EIF4G3: variants seen among roughly 807,000 people sequenced by gnomAD.
EIF4G3 encodes eIF-4-gamma 3.
Under a neutral mutation model 186.4 loss-of-function variants are expected in EIF4G3, and 34 were observed. The ratio of observed to expected loss-of-function variants is 0.18; its 90% CI spans 0.14 to 0.24. The LOEUF (loss-of-function observed/expected upper bound fraction) is 0.24, where lower values mean the gene tolerates loss of function less well. Among genes scored for constraint, EIF4G3 ranks in the 10% least tolerant of loss-of-function variants. The probability of loss-of-function intolerance (pLI) is 1.00; values close to 1 mark genes in which losing one functional copy is unlikely to be tolerated. For missense variants in EIF4G3, 1,536 were observed against 1,948.5 expected (o/e 0.79, Z 3.99); for synonymous variants, 673 against 679.5 (o/e 0.99, Z 0.15).
intron 34 of EIF4G3, among the ~76,000 whole-genome samples, chr1:20,815,945 T>C (rs1352391640): frequency 4.8e-4 from 27 of 56,016 alleles, no homozygotes; most frequent in East Asian, 1.3e-3. Flanking sequence ...GCCCCCCGCC[T>C]GGCCAGCCGC....
intron 6 of EIF4G3, among the ~76,000 whole-genome samples, chr1:21,000,128 T>C (rs1215547435): frequency 6.9e-6 from 1 of 145,754 alleles, no homozygotes; most frequent in Non-Finnish European, 1.5e-5. Context: ...GACAGGCTAT[T>C]AAAAAAAAAA....
At chr1:21,137,278 G>C (rs1434874870) in intron 2 of EIF4G3, among the ~76,000 whole-genome samples, 3 of 151,596 alleles carry the variant, frequency 2.0e-5, no homozygotes, top group African/African-American at 7.3e-5. Context: ...TGACTACCTG[G>C]GGCTACAGGT....
chr1:21,107,591 G>T (rs1016942872), intron 2 of EIF4G3, among the ~76,000 whole-genome samples: 1 of 152,312 alleles, frequency 6.6e-6, no homozygotes, highest in East Asian at 1.9e-4. Context: ...AATCTTAATA[G>T]GTCTGTCCAA....
At chr1:20,897,750 CTG>C (rs1343971999) in intron 16 of EIF4G3, among the ~76,000 whole-genome samples, 2 of 151,940 alleles carry the variant, frequency 1.3e-5, no homozygotes, top group Non-Finnish European at 2.9e-5. Flanking sequence ...AAATTTCAAA[CTG>C]TTTTTTTTCC....
chr1:21,070,562 A>C (rs1169506930), intron 3 of EIF4G3, among the ~76,000 whole-genome samples: 1 of 152,222 alleles, frequency 6.6e-6, no homozygotes, highest in Admixed American at 6.5e-5. Context: ...CATGGTGTAG[A>C]TATAACTACA....
intron 14 of EIF4G3, among the ~76,000 whole-genome samples, chr1:20,933,849 A>G (rs2095425253): frequency 6.6e-6 from 1 of 152,184 alleles, no homozygotes; most frequent in Non-Finnish European, 1.5e-5. Context: ...ACTGAATTTG[A>G]GATGACTCTG....
chr1:21,167,761 G>GA (rs35122671), intron 2 of EIF4G3, among the ~76,000 whole-genome samples: 4,153 of 147,254 alleles, frequency 0.028, 83 homozygotes, highest in Non-Finnish European at 0.039. Context: ...CCGTCACAAA[G>GA]AAAAAAAAAA....
intron 12 of EIF4G3, among the ~76,000 whole-genome samples, chr1:20,960,365 C>G (rs968461841): frequency 4.6e-5 from 7 of 151,942 alleles, no homozygotes; most frequent in Non-Finnish European, 1.0e-4. Flanking sequence ...ACTCAGGAGG[C>G]TGAGACAGAA....
intron 2 of EIF4G3, among the ~76,000 whole-genome samples, chr1:21,169,302 T>C (rs1294272783): frequency 6.6e-6 from 1 of 151,896 alleles, no homozygotes; most frequent in African/African-American, 2.4e-5. Context: ...AATACAAAAA[T>C]TAGCTGCGTA....
intron 11 of EIF4G3, among the ~76,000 whole-genome samples, chr1:20,970,178 TA>T (rs2075550029): frequency 6.6e-6 from 1 of 151,998 alleles, no homozygotes; most frequent in Admixed American, 6.6e-5. Context: ...TTTACCAAAA[TA>T]AAAAATATAA....
At chr1:21,056,024 A>G (rs1247769376) in intron 3 of EIF4G3, among the ~76,000 whole-genome samples, 2 of 152,162 alleles carry the variant, frequency 1.3e-5, no homozygotes, top group African/African-American at 2.4e-5. Flanking sequence ...AATGTTTGAG[A>G]GAAAGAGAAA....
chr1:20,827,021 T>C (rs1204582872), intron 32 of EIF4G3, among the ~76,000 whole-genome samples: 1 of 152,114 alleles, frequency 6.6e-6, no homozygotes, highest in African/African-American at 2.4e-5. Context: ...AACACTGACT[T>C]TAAACATTAA....
rs1455086070 is a variant in EIF4G3 at position 20,815,514 on chromosome 1, C to T, written c.4515+1878G>A. 8.6e-5 allele frequency among the ~76,000 whole-genome samples: 13 copies of T among 151,978 alleles called. No individual in the cohort carries two copies. In the East Asian group the frequency reaches 1.6e-3, roughly 18 times the overall value. Reference sequence around the variant, plus strand: ...GAGGAGCGTCTCTGCCCGGCCGCCCCGTCTGAGAAGTGAGGAAACCCTCTG... The same window carrying T: ...GAGGAGCGTCTCTGCCCGGCCGCCCTGTCTGAGAAGTGAGGAAACCCTCTG... On this transcript the variant is annotated intron_variant, in intron 34 of 36. Coordinates refer to ENST00000602326, the MANE Select transcript of EIF4G3 (RefSeq NM_001391906.1).
chr1:21,158,548 C>T (rs932799751), intron 2 of EIF4G3, among the ~76,000 whole-genome samples: 5 of 152,108 alleles, frequency 3.3e-5, no homozygotes, highest in African/African-American at 1.2e-4. Flanking sequence ...TAACCAAATA[C>T]TTATTTCAAC....
At chr1:20,959,483 A>G (rs1206834582) in intron 12 of EIF4G3, among the ~76,000 whole-genome samples, 4 of 152,026 alleles carry the variant, frequency 2.6e-5, no homozygotes, top group Admixed American at 1.3e-4. Context: ...CCAGGCAAAT[A>G]ATTCATGAGT....
intron 4 of EIF4G3, among the ~76,000 whole-genome samples, chr1:21,049,700 C>T (rs898401087): frequency 1.3e-5 from 2 of 152,022 alleles, no homozygotes; most frequent in African/African-American, 4.8e-5. Flanking sequence ...AGCAACATAG[C>T]AAGACCCCAT....
intron 2 of EIF4G3, among the ~76,000 whole-genome samples, chr1:21,128,150 T>C (rs2102455147): frequency 6.7e-6 from 1 of 149,104 alleles, no homozygotes; most frequent in South Asian, 2.1e-4. Flanking sequence ...GAGCTTGCAG[T>C]GAGCCAAGAT....
intron 4 of EIF4G3, among the ~76,000 whole-genome samples, chr1:21,010,252 C>A (rs2086593762): frequency 6.6e-6 from 1 of 151,542 alleles, no homozygotes; most frequent in Admixed American, 6.6e-5. Context: ...TCGAGACCAG[C>A]CTGGCCAATA....
chr1:20,849,316 T>C, intron 29 of EIF4G3, 99 bp downstream of exon 29: 4 of 573,794 alleles, frequency 7.0e-6, no homozygotes, highest in Non-Finnish European at 1.2e-5. Context: ...AACCTAAGTC[T>C]TATCAGTTCA....
Sources: allele counts gnomAD v4.1 joint callset (sites outside exome capture counted in the v4.1 genomes callset), GRCh38; gene constraint gnomAD v4.1.1; transcripts MANE v1.5; gene names NCBI Gene and HGNC (gene_info 2026-07-23, HGNC 2026-07-21).